The following RECQL4 variants were observed in gnomAD, a reference collection of about 807,000 sequenced individuals.
The protein encoded by RECQL4 is ATP-dependent DNA helicase Q4.
RECQL4 carries 158 observed loss-of-function variants against 128.6 expected under a neutral mutation model. The ratio of observed to expected loss-of-function variants is 1.23; its 90% CI spans 1.08 to 1.40. The LOEUF is 1.40. RECQL4 is among the 40% of genes most tolerant of loss of function. The pLI is 0.00. For synonymous variants in RECQL4, 996 were observed against 678.9 expected (o/e 1.47, Z -7.26); for missense variants, 2,293 against 1,649.8 (o/e 1.39, Z -6.75).
chr8:144,513,627 C>T lies in RECQL4; in HGVS notation c.2144G>A (p.Arg715Gln), dbSNP rs184775551. 72 of 1,600,110 alleles carry T rather than the reference C, an allele frequency of 4.5e-5. No homozygotes were observed. Among genetic ancestry groups the T allele is most frequent in the African/African-American group, 9.4e-5 (7 of 74,816 alleles). The change falls in exon 13 of 21, where the codon CGG becomes CAG. Residue 715 changes from arginine to glutamine, a missense_variant. Coordinates refer to ENST00000617875, the MANE Select transcript of RECQL4 (RefSeq NM_004260.4). ...GCAGGTTCGGAGGAGCGCAGCGATC[C>T]GCTCTGTGTCCTCGCGCCGGTTGCA... ...IYCNRREDTE[R>Q]IAALLRTCLH...
In RECQL4 at chr8:144,513,141, G is replaced by T; in HGVS notation, c.2464-3C>A. The T allele has an allele frequency of 6.9e-7, 1 of 1,439,182 alleles. No individual in the cohort carries two copies. Among genetic ancestry groups the T allele is most frequent in the South Asian group, 1.2e-5 (1 of 81,392 alleles). The allele number at this position is 1,439,182 out of a possible 1,614,324, so 89.2% of individuals were successfully genotyped here. A position where few individuals can be genotyped will look rare whatever the true frequency, so the allele number is the denominator to read the frequency against. ...CGCAGCTCTCGCAGGTCTTCGCCCTGCAGGGCAACTTTCATGAGGGTGGGG... is the reference window on the plus strand; with the variant it reads ...CGCAGCTCTCGCAGGTCTTCGCCCTTCAGGGCAACTTTCATGAGGGTGGGG... On this transcript the variant is annotated splice_polypyrimidine_tract_variant and splice_region_variant and intron_variant, in intron 14 of 20. Coordinates refer to ENST00000617875, the MANE Select transcript of RECQL4 (RefSeq NM_004260.4).
In RECQL4 at chr8:144,516,365, G is replaced by T. The variant is rs376485578; in HGVS notation, c.754C>A (p.Pro252Thr). 6.2e-7 allele frequency: 1 copy of T among 1,610,150 alleles called. No homozygotes were observed. The highest frequency in any genetic ancestry group is 1.1e-5 in the South Asian group (1 of 91,014). ...FQEVSIRVGS[P>T]QPSSSGGEKR... ...TCGCCTCCACTGCTGCTGGGCTGGG[G>T]GCTCCCCACACGGATGCTGACTTCT... Residue 252 changes from proline to threonine, a missense_variant, in exon 5 of 21, where the codon CCC becomes ACC. Pro to Thr is a conservative substitution (Grantham distance 38). Coordinates refer to ENST00000617875, the MANE Select transcript of RECQL4 (RefSeq NM_004260.4).
At position 144,511,313 on chromosome 8, in the gene RECQL4, T is replaced by G; in HGVS notation, c.*118A>C. ...TAAAAACAAAGTGAGCATTTTTTAT[T>G]CTGCATTTTGGAGCCTCCTCGTTCC... is the stretch of plus-strand genomic sequence containing the variant. On this transcript the variant is annotated 3_prime_UTR_variant, in exon 21 of 21. Transcript: ENST00000617875. 6.4e-7 allele frequency: 1 copy of G among 1,551,664 alleles called. No individual in the cohort carries two copies. Among genetic ancestry groups the G allele is most frequent in the South Asian group, 1.2e-5 (1 of 83,200 alleles).
chr8:144,516,642 A>T lies in RECQL4; in HGVS notation c.477T>A (p.Pro159=). 1.2e-6 allele frequency: 2 copies of T among 1,607,914 alleles called. No homozygotes were observed. The highest frequency in any genetic ancestry group is 1.7e-5 in the Admixed American group (1 of 59,260). ...TTGGCTGGGGCTCAGGGAGCTGTGG[A>T]GGCTCATCACTGACTTTTTCTGCAA... ...PSFAEKVSDE[P]PQLPEPQPRP... The change falls in exon 5 of 21, where the codon CCT becomes CCA. Residue 159 remains proline (P), a synonymous_variant. Transcript: ENST00000617875.
chr8:144,513,172 C>G, intron 14 of RECQL4, 34 bp from the exon 15 acceptor site: 1 of 1,538,800 alleles, frequency 6.5e-7, no homozygotes, highest in Non-Finnish European at 8.7e-7. Context: ...TGGGGTGGAC[C>G]ACTGGGGGCT....
Position 144,512,755 on chromosome 8 carries a change from C to T in RECQL4, c.2772G>A (p.Leu924=), listed in dbSNP as rs2130667584. ...GGTGTGGGTGCAGCTCCAGGTAGCA[C>T]AGCAAAGTCTCGATGGCTGGGGGCA... ...DMPEEAIETL[L]CYLELHPHHW... The change falls in exon 16 of 21, where the codon CTG becomes CTA. Residue 924 remains leucine (L), a synonymous_variant. Transcript: ENST00000617875. 3.7e-6 allele frequency: 6 copies of T among 1,612,084 alleles called. No individual in the cohort carries two copies. The highest frequency in any genetic ancestry group is 2.2e-5 in the East Asian group (1 of 44,874).
chr8:144,515,804 G>A lies in RECQL4; in HGVS notation c.1218C>T (p.Asn406=), dbSNP rs760132114. The A allele has an allele frequency of 1.7e-5, 28 of 1,612,546 alleles. No homozygotes were observed. Among genetic ancestry groups the A allele is most frequent in the Middle Eastern group, 1.6e-4 (1 of 6,082 alleles). ...TVTTKESCFL[N]EQFDHWAAQC... is the part of the protein sequence containing the mutation. ...GGGCTGCCCAGTGATCGAACTGCTC[G>A]TTCAGGAAACAAGACTCCTTGGTTG... Residue 406 remains asparagine (N), a synonymous_variant, in exon 6 of 21, where the codon AAC becomes AAT. Coordinates refer to ENST00000617875, the MANE Select transcript of RECQL4 (RefSeq NM_004260.4).
Position 144,515,810 on chromosome 8 carries a change from G to A in RECQL4, c.1212C>T (p.Phe404=), listed in dbSNP as rs766079419. 3.7e-6 allele frequency: 6 copies of A among 1,612,656 alleles called. No individual in the cohort carries two copies. The highest frequency in any genetic ancestry group is 1.6e-4 in the Middle Eastern group (1 of 6,084). Residue 404 remains phenylalanine (F), a synonymous_variant, in exon 6 of 21, where the codon TTC becomes TTT. Transcript: ENST00000617875. ...CCCAGTGATCGAACTGCTCGTTCAGGAAACAAGACTCCTTGGTTGTGACTG... is the reference window on the plus strand; with the variant it reads ...CCCAGTGATCGAACTGCTCGTTCAGAAAACAAGACTCCTTGGTTGTGACTG... The part of the protein sequence containing the change: ...GATVTTKESC[F]LNEQFDHWAA...
chr8:144,512,758 C>T lies in RECQL4; in HGVS notation c.2769G>A (p.Leu923=), dbSNP rs368618566. ...LDMPEEAIET[L]LCYLELHPHH... is the part of the protein sequence containing the mutation. ...GTGGGTGCAGCTCCAGGTAGCACAG[C>T]AAAGTCTCGATGGCTGGGGGCAGAG... The change falls in exon 16 of 21, where the codon TTG becomes TTA. Residue 923 remains leucine, a synonymous_variant. Transcript: ENST00000617875. 279 of 1,611,812 alleles carry T rather than the reference C, an allele frequency of 1.7e-4. No individual in the cohort carries two copies. Among genetic ancestry groups the T allele is most frequent in the Non-Finnish European group, 2.2e-4 (264 of 1,179,786 alleles).
Position 144,512,050 on chromosome 8 carries a change from C to T in RECQL4, c.3254G>A (p.Cys1085Tyr), listed in dbSNP as rs1827324588. ...ATCCTGCTGCTCCAGGCAGGGCCCG[C>T]AGCTGGGGAAGGCTACGCTGTGGGG... ...QAFHSVAFPS[C>Y]GPCLEQQDEE... The change falls in exon 19 of 21, where the codon TGC becomes TAC. Residue 1085 changes from cysteine to tyrosine, a missense_variant. Cys to Tyr is a radical substitution (Grantham distance 194). Coordinates refer to ENST00000617875, the MANE Select transcript of RECQL4 (RefSeq NM_004260.4). The T allele has an allele frequency of 6.2e-7, 1 of 1,608,576 alleles. No homozygotes were observed. Among genetic ancestry groups the T allele is most frequent in the African/African-American group, 1.3e-5 (1 of 75,046 alleles).
At chr8:144,513,524 G>A (rs1169404556) in intron 13 of RECQL4, 44 bp from the exon 14 acceptor site, 2 of 1,610,696 alleles carry the variant, frequency 1.2e-6, no homozygotes, top group Admixed American at 1.7e-5. Flanking sequence ...GGGACCATGT[G>A]TGCCCAAGGT....
In RECQL4 at chr8:144,512,014, C is replaced by T. The variant is rs1400903506; in HGVS notation, c.3290G>A (p.Ser1097Asn). The change falls in exon 19 of 21, where the codon AGC becomes AAC. Residue 1097 changes from serine to asparagine, a missense_variant. Physicochemically the swap from Ser to Asn is conservative, Grantham distance 46. Transcript: ENST00000617875. ...PCLEQQDEERSTRLKDLLGRY... is the reference protein window; with the variant it reads ...PCLEQQDEERNTRLKDLLGRY... ...GCCGAGCAGGTCCTTGAGCCTGGTGCTGCGCTCCTCATCCTGCTGCTCCAG... is the reference window on the plus strand; with the variant it reads ...GCCGAGCAGGTCCTTGAGCCTGGTGTTGCGCTCCTCATCCTGCTGCTCCAG... The T allele has an allele frequency of 2.5e-6, 4 of 1,609,150 alleles. No individual in the cohort carries two copies. Among genetic ancestry groups the T allele is most frequent in the Admixed American group, 3.4e-5 (2 of 59,590 alleles).
chr8:144,513,559 T>C lies in RECQL4; in HGVS notation c.2200+12A>G, dbSNP rs758055415. The C allele has an allele frequency of 1.9e-6, 3 of 1,611,026 alleles. No individual in the cohort carries two copies. Among genetic ancestry groups the C allele is most frequent in the Non-Finnish European group, 2.5e-6 (3 of 1,179,218 alleles). ...TGGGTCCACGGGGACACCAGCTCTG[T>C]CCATGCCGCACCTCCAGACCCTGGG... On this transcript the variant is annotated intron_variant, in intron 13 of 20. Coordinates refer to ENST00000617875, the MANE Select transcript of RECQL4 (RefSeq NM_004260.4).
Position 144,511,824 on chromosome 8 carries a change from T to C in RECQL4, c.3394-35A>G, listed in dbSNP as rs760094869. The stretch of plus-strand genomic sequence containing the variant: ...CAGGCACATCAGGCTTCCTCTGAGC[T>C]CCCGTGGCACTGCATCCACAGAGCA... On this transcript the variant is annotated intron_variant, in intron 19 of 20. Transcript: ENST00000617875. 11 of 1,611,260 alleles carry C rather than the reference T, an allele frequency of 6.8e-6. No individual in the cohort carries two copies. The East Asian group carries it at 2.5e-4, about 36-fold the overall frequency.
In RECQL4 at chr8:144,514,032, C is replaced by T. The variant is rs61754061; in HGVS notation, c.1954G>A (p.Val652Met). 6,584 of 1,575,652 alleles carry T rather than the reference C, an allele frequency of 4.2e-3. 13 individuals carry two copies. Among genetic ancestry groups the T allele is most frequent in the Non-Finnish European group, 5.3e-3 (6,111 of 1,161,672 alleles). The change falls in exon 12 of 21, where the codon GTG (valine) becomes ATG (methionine). Residue 652 changes from valine (V) to methionine (M), a missense_variant. By Grantham distance (21) the Val-to-Met change is conservative (BLOSUM62 1). Transcript: ENST00000617875. ...TCAGCCACAGCCAGGTGCTGTGCCA[C>T]GTCACTGGCAGTGCGGCGTGTGGCT... ...ATATRRTASD[V>M]AQHLAVAEEP...
Position 144,513,211 on chromosome 8 carries a change from T to TGCC in RECQL4, c.2463+4_2463+6dup, listed in dbSNP as rs1554898038. On this transcript the variant is annotated splice_region_variant and intron_variant, in intron 14 of 20. Coordinates refer to ENST00000617875, the MANE Select transcript of RECQL4 (RefSeq NM_004260.4). Reference sequence around the variant, plus strand: ...GCACTGGCAGTGTGGGGGGGGGGGGTGCCAACCTGGGGCTGCAGGAAGAGG... The same window carrying TGCC: ...GCACTGGCAGTGTGGGGGGGGGGGGTGCCGCCAACCTGGGGCTGCAGGAAGAGG... The TGCC allele has an allele frequency of 1.4e-5, 14 of 986,324 alleles. No individual in the cohort carries two copies. Among genetic ancestry groups the TGCC allele is most frequent in the Non-Finnish European group, 1.8e-5 (13 of 741,070 alleles). 61.1% of individuals were successfully genotyped at this position (986,324 alleles called of 1,614,324 possible).
chr8:144,511,317 C>T lies in RECQL4; in HGVS notation c.*114G>A. ...AACAAAGTGAGCATTTTTTATTCTG[C>T]ATTTTGGAGCCTCCTCGTTCCCACA... On this transcript the variant is annotated 3_prime_UTR_variant, in exon 21 of 21. Coordinates refer to ENST00000617875, the MANE Select transcript of RECQL4 (RefSeq NM_004260.4). 1.3e-6 allele frequency: 2 copies of T among 1,553,766 alleles called. No homozygotes were observed. The highest frequency in any genetic ancestry group is 1.7e-4 in the Middle Eastern group (1 of 5,804).
At position 144,513,206 on chromosome 8, in the gene RECQL4, G is replaced by A. The variant is rs775756916; in HGVS notation, c.2463+12C>T. 1.9e-6 allele frequency: 3 copies of A among 1,563,750 alleles called. No individual in the cohort carries two copies. The highest frequency in any genetic ancestry group is 1.3e-5 in the African/African-American group (1 of 74,452). ...CTCGAGCACTGGCAGTGTGGGGGGG[G>A]GGGGTGCCAACCTGGGGCTGCAGGA... On this transcript the variant is annotated intron_variant, in intron 14 of 20. Transcript: ENST00000617875.
Position 144,516,412 on chromosome 8 carries a change from C to T in RECQL4, c.707G>A (p.Gly236Asp), listed in dbSNP as rs778457870. The change falls in exon 5 of 21, where the codon GGC (glycine) becomes GAC (aspartate). Residue 236 changes from glycine to aspartate, a missense_variant. Transcript: ENST00000617875. ...TTCTTGGAAGGCTGAAGCCTCTGGGCCCTGGGAGCCAGCACCAGGACCAAG... is the reference window on the plus strand; with the variant it reads ...TTCTTGGAAGGCTGAAGCCTCTGGGTCCTGGGAGCCAGCACCAGGACCAAG... Reference protein sequence around the residue: ...AVLGPGAGSQGPEASAFQEVS... With the variant: ...AVLGPGAGSQDPEASAFQEVS... The T allele has an allele frequency of 1.9e-6, 3 of 1,609,256 alleles. No individual in the cohort carries two copies. Among genetic ancestry groups the T allele is most frequent in the African/African-American group, 1.3e-5 (1 of 75,040 alleles).
Sources: gnomAD v4.1 joint callset for allele counts on GRCh38, gnomAD v4.1.1 for gene constraint, MANE v1.5 for transcripts, NCBI Gene and HGNC (gene_info 2026-07-23, HGNC 2026-07-21) for gene names.